The following SGCZ variants were observed in gnomAD, a reference collection of about 807,000 sequenced individuals.
SGCZ encodes zeta-sarcoglycan.
In SGCZ, 40 loss-of-function variants were observed where a neutral mutation model predicts 41.3. The ratio of observed to expected loss-of-function variants is 0.97; its 90% CI spans 0.75 to 1.26. The LOEUF is 1.26. Among genes scored for constraint, SGCZ ranks in the 50% most tolerant of loss-of-function variants. The probability of loss-of-function intolerance (pLI) is 0.00; values close to 1 mark genes in which losing one functional copy is unlikely to be tolerated. For synonymous variants in SGCZ, 206 were observed against 137.5 expected, an observed-to-expected ratio of 1.50 and a Z score of -3.49; for missense variants, 552 against 369.8, an observed-to-expected ratio of 1.49 and a Z score of -4.04.
intron 1 of SGCZ, among the ~76,000 whole-genome samples, chr8:15,139,264 C>A (rs1444129664): frequency 1.3e-5 from 2 of 152,130 alleles, no homozygotes; most frequent in Non-Finnish European, 2.9e-5. Context: ...TTCTTTAGAG[C>A]TTCCTTTCTT....
chr8:14,454,566 G>A (rs143115387), intron 2 of SGCZ, among the ~76,000 whole-genome samples: 416 of 152,152 alleles, frequency 2.7e-3, no homozygotes, highest in African/African-American at 9.6e-3. Flanking sequence ...AAGTTCATAC[G>A]TAAAAACAGA....
chr8:14,895,251 C>G (rs1259772891), intron 1 of SGCZ, among the ~76,000 whole-genome samples: 4 of 152,100 alleles, frequency 2.6e-5, no homozygotes, highest in African/African-American at 9.7e-5. Context: ...CTACCTCTGC[C>G]ATGTAATCTT....
intron 1 of SGCZ, among the ~76,000 whole-genome samples, chr8:14,941,555 A>C (rs1052334824): frequency 9.9e-5 from 15 of 152,128 alleles, no homozygotes; most frequent in Admixed American, 7.2e-4. Context: ...ATTATGAAAT[A>C]TAAAGATTTA....
At chr8:14,549,024 C>G (rs1378434247) in intron 2 of SGCZ, among the ~76,000 whole-genome samples, 1 of 152,066 alleles carries the variant, frequency 6.6e-6, no homozygotes, top group Non-Finnish European at 1.5e-5. Flanking sequence ...AGTGTTAGCA[C>G]AGAGGCTGTG....
intron 1 of SGCZ, among the ~76,000 whole-genome samples, chr8:14,635,039 T>C (rs1270412257): frequency 6.7e-6 from 1 of 149,816 alleles, no homozygotes; most frequent in Non-Finnish European, 1.5e-5. Flanking sequence ...TATTATTATG[T>C]TGATTTATAT....
intron 2 of SGCZ, among the ~76,000 whole-genome samples, chr8:14,348,157 C>T (rs987679804): frequency 3.3e-5 from 5 of 151,988 alleles, no homozygotes; most frequent in African/African-American, 9.7e-5. Context: ...CAATTCACAC[C>T]CCAGACAAAC....
At chr8:14,302,404 C>A (rs1009374633) in intron 3 of SGCZ, among the ~76,000 whole-genome samples, 19 of 152,118 alleles carry the variant, frequency 1.2e-4, no homozygotes, top group African/African-American at 3.9e-4. Flanking sequence ...TTCAGAGAAG[C>A]TTCTATCACA....
chr8:14,750,199 G>GAAACAAGATAAGCT (rs1196942185), intron 1 of SGCZ, among the ~76,000 whole-genome samples: 1 of 151,886 alleles, frequency 6.6e-6, no homozygotes, highest in African/African-American at 2.4e-5. Context: ...TAAGCAGATG[G>GAAACAAGATAAGCT]AAACAAGATA....
chr8:14,982,854 T>G (rs904207552), intron 1 of SGCZ, among the ~76,000 whole-genome samples: 11 of 152,340 alleles, frequency 7.2e-5, no homozygotes, highest in African/African-American at 2.6e-4. Flanking sequence ...AAGCAGCAAC[T>G]GCTACTGATC....
Position 15,150,109 on chromosome 8 carries a change from G to A in SGCZ, c.39+87476C>T, listed in dbSNP as rs1204470504. 2.6e-5 allele frequency among the ~76,000 whole-genome samples: 4 copies of A among 152,214 alleles called. No individual in the cohort carries two copies. In the East Asian group the frequency reaches 7.7e-4, roughly 29 times the overall value. ...CTCTACAATCAAAATGTGGCTTGTG[G>A]ATTTTTGAGCGATTTTCATTTCCTT... On this transcript the variant is annotated intron_variant, in intron 1 of 7. Transcript: ENST00000382080.
At chr8:15,237,249 G>C (rs1023518811) in intron 1 of SGCZ, among the ~76,000 whole-genome samples, 1 of 107,518 alleles carries the variant, frequency 9.3e-6, no homozygotes, top group South Asian at 2.4e-4. Context: ...AGCTGGTGCC[G>C]CTGCCCCCCC....
At chr8:15,141,895 CAAA>C (rs10553934) in intron 1 of SGCZ, among the ~76,000 whole-genome samples, 121,412 of 144,352 alleles carry the variant, frequency 0.84, 50,687 homozygotes, top group East Asian at 0.9. Flanking sequence ...GTGAGACTCT[CAAA>C]AAAAAAAAAA....
chr8:15,084,107 G>A (rs1056519468), intron 1 of SGCZ, among the ~76,000 whole-genome samples: 24 of 152,178 alleles, frequency 1.6e-4, no homozygotes, highest in East Asian at 5.8e-4. Flanking sequence ...AAAATTTTAC[G>A]TGGTAAATCT....
Position 15,205,950 on chromosome 8 carries a change from C to T in SGCZ, c.39+31635G>A, listed in dbSNP as rs573805062. Among the ~76,000 whole-genome samples, 29 of 152,178 alleles carry T rather than the reference C, an allele frequency of 1.9e-4. 1 individual carries two copies. In the South Asian group the frequency reaches 6.0e-3, roughly 32 times the overall value. On this transcript the variant is annotated intron_variant, in intron 1 of 7. Coordinates refer to ENST00000382080, the MANE Select transcript of SGCZ (RefSeq NM_139167.4). ...GTCTTTTGTGGGAACATGGGTGAAG[C>T]TGGAGGCTACTATCCTCAGCAAACT...
chr8:14,348,243 C>T (rs971170119), intron 2 of SGCZ, among the ~76,000 whole-genome samples: 1 of 152,060 alleles, frequency 6.6e-6, no homozygotes, highest in Non-Finnish European at 1.5e-5. Flanking sequence ...ACCAAGATTC[C>T]CCTTTTAAAT....
intron 1 of SGCZ, among the ~76,000 whole-genome samples, chr8:14,681,076 C>G (rs1808432057): frequency 6.6e-6 from 1 of 151,180 alleles, no homozygotes; most frequent in African/African-American, 2.4e-5. Flanking sequence ...GAGTAATGAG[C>G]TAGACAAATA....
At chr8:14,921,675 T>A (rs1456687062) in intron 1 of SGCZ, among the ~76,000 whole-genome samples, 2 of 152,188 alleles carry the variant, frequency 1.3e-5, no homozygotes, top group African/African-American at 4.8e-5. Context: ...CACAAGTCCC[T>A]GACATCATTT....
intron 1 of SGCZ, among the ~76,000 whole-genome samples, chr8:15,069,932 A>G (rs1454912929): frequency 6.6e-6 from 1 of 152,102 alleles, no homozygotes; most frequent in Non-Finnish European, 1.5e-5. Context: ...AGGCACAGAC[A>G]CACACACAAA....
chr8:14,564,598 T>A (rs943255835), intron 1 of SGCZ, among the ~76,000 whole-genome samples: 1 of 152,222 alleles, frequency 6.6e-6, no homozygotes, highest in East Asian at 1.9e-4. Context: ...TACTCATTTT[T>A]AAAATGTATC....
Sources: gnomAD v4.1 joint callset for allele counts (sites outside exome capture counted in the v4.1 genomes callset) on GRCh38, gnomAD v4.1.1 for gene constraint, MANE v1.5 for transcripts, NCBI Gene and HGNC (gene_info 2026-07-23, HGNC 2026-07-21) for gene names.